The following SATB2 variants were observed in gnomAD, a reference collection of about 807,000 sequenced individuals.
SATB2 encodes DNA-binding protein SATB2.
A neutral mutation model predicts 73.4 loss-of-function variants in SATB2; 1 was observed. That is an observed-to-expected ratio of 0.01 (90% CI 0.00 to 0.06). SATB2 has a LOEUF of 0.06. SATB2 is among the 10% of genes least tolerant of loss of function. The pLI is 1.00. For missense variants in SATB2, 459 were observed against 945.8 expected (o/e 0.49, Z 6.75); for synonymous variants, 397 against 367.0 (o/e 1.08, Z -0.93).
intron 10 of SATB2, among the ~76,000 whole-genome samples, chr2:199,280,567 A>G (rs1692456633): frequency 6.6e-6 from 1 of 152,154 alleles, no homozygotes; most frequent in African/African-American, 2.4e-5. Context: ...GAGAAAGAGA[A>G]TGTGTCCCTG....
chr2:199,439,747 T>C (rs1691755902), intron 2 of SATB2, among the ~76,000 whole-genome samples: 1 of 152,148 alleles, frequency 6.6e-6, no homozygotes, highest in East Asian at 1.9e-4. Flanking sequence ...ACATACATAC[T>C]GAGTCACAGA....
At chr2:199,368,799 T>C (rs1689361548) in intron 5 of SATB2, 92 bp from the exon 6 acceptor site, 1 of 709,948 alleles carries the variant, frequency 1.4e-6, no homozygotes, top group Non-Finnish European at 2.4e-6. Flanking sequence ...CTAACCTCTT[T>C]TTTCTTTTAA....
intron 5 of SATB2, among the ~76,000 whole-genome samples, chr2:199,377,744 G>A (rs138776281): frequency 1.0e-3 from 152 of 152,224 alleles, no homozygotes; most frequent in African/African-American, 3.5e-3. Context: ...TCAGGTGGCA[G>A]GAGAAAAGTC....
intron 7 of SATB2, among the ~76,000 whole-genome samples, chr2:199,331,224 T>TG (rs994246426): frequency 1.7e-4 from 26 of 151,262 alleles, no homozygotes; most frequent in Admixed American, 1.5e-3. Context: ...TTGTTTTTTT[T>TG]TTTCCATTTT....
intron 10 of SATB2, among the ~76,000 whole-genome samples, chr2:199,274,078 TC>T (rs1209419160): frequency 3.3e-5 from 5 of 152,234 alleles, no homozygotes; most frequent in Non-Finnish European, 7.3e-5. Context: ...TCCTAAATCC[TC>T]CCAAAACTTT....
chr2:199,395,406 A>G (rs1428481430), intron 3 of SATB2, among the ~76,000 whole-genome samples: 1 of 152,200 alleles, frequency 6.6e-6, no homozygotes, highest in Non-Finnish European at 1.5e-5. Context: ...AGTTTCCAGT[A>G]TGAGTCAAGG....
chr2:199,455,121 T>C lies in SATB2; in HGVS notation c.169+748A>G, dbSNP rs1212700650. Among the ~76,000 whole-genome samples, 1 of 152,224 alleles carries C rather than the reference T, an allele frequency of 6.6e-6. No individual in the cohort carries two copies. The highest frequency in any genetic ancestry group is 2.4e-5 in the African/African-American group (1 of 41,462). On this transcript the variant is annotated intron_variant, in intron 2 of 10. Coordinates refer to ENST00000417098, the MANE Select transcript of SATB2 (RefSeq NM_001172509.2). This position sits in a 1 kb window ranked among gnomAD's most constrained non-coding sequence, Gnocchi z 4.1. ...TATCTTTATTTTGTATGATTGCTTT[T>C]CCTGACCACTTTAAAAGAAAGTAGT...
chr2:199,380,737 T>G (rs142599652), intron 4 of SATB2, among the ~76,000 whole-genome samples: 7 of 152,348 alleles, frequency 4.6e-5, no homozygotes, highest in African/African-American at 1.7e-4. Context: ...AGAGATGCTA[T>G]TTTTATAAAA....
At chr2:199,332,281 G>T (rs530325631) in intron 7 of SATB2, among the ~76,000 whole-genome samples, 2 of 152,142 alleles carry the variant, frequency 1.3e-5, no homozygotes, top group African/African-American at 4.8e-5. Context: ...TGTAAGACCA[G>T]GAAACATGTT....
Position 199,435,374 on chromosome 2 carries a change from T to G in SATB2, c.170-1860A>C, listed in dbSNP as rs180740753. 5.9e-5 allele frequency among the ~76,000 whole-genome samples: 9 copies of G among 152,046 alleles called. No individual in the cohort carries two copies. The East Asian group carries it at 1.2e-3, about 20-fold the overall frequency. ...TCCTTCAAATTATCTTTTTTTTTTT[T>G]TCTCGCTCTTGTTGCCCAGGCTGGA... On this transcript the variant is annotated intron_variant, in intron 2 of 10. Transcript: ENST00000417098.
intron 3 of SATB2, among the ~76,000 whole-genome samples, chr2:199,402,225 A>C (rs1690502836): frequency 6.6e-6 from 1 of 152,142 alleles, no homozygotes; most frequent in South Asian, 2.1e-4. Context: ...TCTCTACTAA[A>C]AATACAAAAA....
In SATB2 at chr2:199,464,433, G is replaced by GCGCACACACACA. The variant is rs1473573048; in HGVS notation, c.-141+402_-141+403insTGTGTGTGTGCG. On this transcript the variant is annotated intron_variant, in intron 1 of 11. Transcript: ENST00000260926. The surrounding 1 kb of genome is among the most constrained non-coding windows in gnomAD (Gnocchi z 6.6). Reference sequence around the variant, plus strand: ...CACCACCATTTCCACGCGCGCGCGCGCACACACACACACACACACACAGAG... The same window carrying GCGCACACACACA: ...CACCACCATTTCCACGCGCGCGCGCGCGCACACACACACACACACACACACACACACACAGAG... 6.7e-6 allele frequency among the ~76,000 whole-genome samples: 1 copy of GCGCACACACACA among 149,382 alleles called. No homozygotes were observed. Among genetic ancestry groups the GCGCACACACACA allele is most frequent in the African/African-American group, 2.4e-5 (1 of 40,970 alleles).
chr2:199,333,889 G>A (rs1438714420), intron 7 of SATB2, among the ~76,000 whole-genome samples: 1 of 152,114 alleles, frequency 6.6e-6, no homozygotes, highest in African/African-American at 2.4e-5. Context: ...GTGTACTGAG[G>A]AAACTGGCCC....
At chr2:199,413,899 C>A (rs1378282212) in intron 3 of SATB2, among the ~76,000 whole-genome samples, 1 of 152,104 alleles carries the variant, frequency 6.6e-6, no homozygotes, top group Non-Finnish European at 1.5e-5. Context: ...AAATAAAACT[C>A]CTGTTTGGTT....
intron 3 of SATB2, among the ~76,000 whole-genome samples, chr2:199,416,501 T>A (rs1261338424): frequency 6.6e-6 from 1 of 152,174 alleles, no homozygotes; most frequent in Non-Finnish European, 1.5e-5. Context: ...AAATGCTATG[T>A]TTACCACAGG....
At chr2:199,467,209 T>G (rs1448532217), upstream of SATB2, among the ~76,000 whole-genome samples, 3 of 152,354 alleles carry the variant, frequency 2.0e-5, no homozygotes, top group Non-Finnish European at 4.4e-5. Flanking sequence ...AGAGCCCTCT[T>G]GTTGGCCGGT....
At chr2:199,467,038 C>T (rs1692607692), upstream of SATB2, among the ~76,000 whole-genome samples, 1 of 152,272 alleles carries the variant, frequency 6.6e-6, no homozygotes, top group Non-Finnish European at 1.5e-5. Flanking sequence ...CGGCTGGCCG[C>T]CCAGGCTGAG....
At chr2:199,357,064 T>A (rs1392643374) in intron 6 of SATB2, among the ~76,000 whole-genome samples, 2 of 152,238 alleles carry the variant, frequency 1.3e-5, no homozygotes, top group Non-Finnish European at 2.9e-5. Context: ...AATTCAAACC[T>A]ATGCCTTTAG....
chr2:199,349,030 T>C lies in SATB2; in HGVS notation c.844A>G (p.Ile282Val), dbSNP rs1688735770. 8 of 1,614,080 alleles carry C rather than the reference T, an allele frequency of 5.0e-6. No individual in the cohort carries two copies. The highest frequency in any genetic ancestry group is 4.5e-5 in the East Asian group (2 of 44,868). The stretch of plus-strand genomic sequence containing the variant: ...TGTAATGCGGGCACTTGGTTTCGGA[T>C]TGGAGTACTGTGGTGAATTTGGCTG... ...PHSQIHHSTP[I>V]RNQVPALQPI... is the part of the protein sequence containing the mutation. The change falls in exon 7 of 11, where the codon ATC (isoleucine) becomes GTC (valine). Residue 282 changes from isoleucine to valine, a missense_variant. By Grantham distance (29) the Ile-to-Val change is conservative. Coordinates refer to ENST00000417098, the MANE Select transcript of SATB2 (RefSeq NM_001172509.2).
Sources: allele counts gnomAD v4.1 joint callset (sites outside exome capture counted in the v4.1 genomes callset), GRCh38; gene constraint gnomAD v4.1.1; non-coding constraint Gnocchi (gnomAD v3.1); transcripts MANE v1.5; gene names NCBI Gene and HGNC (gene_info 2026-07-23, HGNC 2026-07-21).